PON3: variants seen among roughly 807,000 people sequenced by gnomAD.
PON3 encodes serum paraoxonase/lactonase 3.
In PON3, 37 loss-of-function variants were observed where a neutral mutation model predicts 36.3. The observed-to-expected ratio is 1.02, with a 90% CI of 0.78 to 1.34. The LOEUF (loss-of-function observed/expected upper bound fraction) is 1.34, where lower values mean the gene tolerates loss of function less well. PON3 is among the 40% of genes most tolerant of loss of function. PON3 has a pLI of 0.00. For missense variants in PON3, 415 were observed against 426.5 expected (o/e 0.97, Z 0.24); for synonymous variants, 155 against 154.8 (o/e 1.00, Z -0.01).
At chr7:95,384,064 T>A (rs553142117) in intron 3 of PON3, among the ~76,000 whole-genome samples, 2 of 152,250 alleles carry the variant, frequency 1.3e-5, no homozygotes, top group South Asian at 4.2e-4. Context: ...TCTACAACTA[T>A]CTGATCTTTG....
Position 95,390,135 on chromosome 7 carries a change from C to T in PON3, c.201+19G>A. ...ACAGCTATTGATGTGAGCATGAGAG[C>T]AGCATGGAAAATACTCACACTGGAG... On this transcript the variant is annotated intron_variant, in intron 3 of 8. Coordinates refer to ENST00000265627, the MANE Select transcript of PON3 (RefSeq NM_000940.3). 6.3e-7 allele frequency: 1 copy of T among 1,586,942 alleles called. No individual in the cohort carries two copies. Among genetic ancestry groups the T allele is most frequent in the Non-Finnish European group, 8.7e-7 (1 of 1,155,396 alleles).
At chr7:95,379,379 C>T (rs1448273366) in intron 3 of PON3, among the ~76,000 whole-genome samples, 5 of 152,182 alleles carry the variant, frequency 3.3e-5, no homozygotes, top group Non-Finnish European at 5.9e-5. Context: ...TGCAGCGCAC[C>T]GAGTGTGAGC....
In PON3 at chr7:95,367,453, G is replaced by A. The variant is rs1808723127; in HGVS notation, c.403C>T (p.His135Tyr). The part of the protein sequence containing the change: ...TVYLYVVNHP[H>Y]MKSTVEIFKF... ...AATATCTCCACAGTGGACTTCATGT[G>A]GGGATGATTCACAACATAAAGATAC... The change falls in exon 5 of 9, where the codon CAC (histidine) becomes TAC (tyrosine). Residue 135 changes from histidine (H) to tyrosine (Y), a missense_variant. Coordinates refer to ENST00000265627, the MANE Select transcript of PON3 (RefSeq NM_000940.3). 1 of 1,612,962 alleles carries A rather than the reference G, an allele frequency of 6.2e-7. No individual in the cohort carries two copies. Among genetic ancestry groups the A allele is most frequent in the South Asian group, 1.1e-5 (1 of 91,056 alleles).
Position 95,362,452 on chromosome 7 carries a change from G to C in PON3, c.816C>G (p.Val272=), listed in dbSNP as rs145245780. The stretch of plus-strand genomic sequence containing the variant: ...CCAAAATGTCTCCTGTGGCAGGATC[G>C]ACAGTCAGGTTATCCACTAAGGTGC... ...QLGTLVDNLT[V]DPATGDILAG... Residue 272 remains valine, a synonymous_variant, in exon 8 of 9, where the codon GTC becomes GTG. Transcript: ENST00000265627. 1 of 1,613,638 alleles carries C rather than the reference G, an allele frequency of 6.2e-7. No homozygotes were observed. The highest frequency in any genetic ancestry group is 1.1e-5 in the South Asian group (1 of 91,062).
intron 3 of PON3, 131 bp downstream of exon 3, chr7:95,390,023 T>C: frequency 9.8e-7 from 1 of 1,017,126 alleles, no homozygotes; most frequent in Non-Finnish European, 1.6e-6. Context: ...TTTTGGCTTT[T>C]TTAGTTGACT....
chr7:95,370,328 G>T (rs1440862788), intron 4 of PON3, among the ~76,000 whole-genome samples: 1 of 152,172 alleles, frequency 6.6e-6, no homozygotes, highest in African/African-American at 2.4e-5. Context: ...TAGCAGTGAG[G>T]ATGGGGAGAG....
intron 4 of PON3, 99 bp downstream of exon 4, chr7:95,372,074 G>C: frequency 7.4e-7 from 1 of 1,349,726 alleles, no homozygotes; most frequent in Non-Finnish European, 1.1e-6. Flanking sequence ...TGGTAAAATA[G>C]CATCTTCTCT....
In PON3 at chr7:95,359,943, C is replaced by CTTTTTTT; in HGVS notation, c.*23_*29dup. 6.8e-7 allele frequency: 1 copy of CTTTTTTT among 1,464,988 alleles called. No individual in the cohort carries two copies. Among genetic ancestry groups the CTTTTTTT allele is most frequent in the Non-Finnish European group, 9.3e-7 (1 of 1,080,220 alleles). The allele number at this position is 1,464,988 out of a possible 1,614,324, so 90.7% of individuals were successfully genotyped here. On this transcript the variant is annotated 3_prime_UTR_variant, in exon 9 of 9. Transcript: ENST00000265627. ...AGTTTACTTTTACAAAATATGTAGA[C>CTTTTTTT]TTTTTTTTTTTTTTTTTACTATCTA...
intron 4 of PON3, among the ~76,000 whole-genome samples, chr7:95,371,188 T>C (rs1004680605): frequency 1.3e-5 from 2 of 152,176 alleles, no homozygotes; most frequent in Non-Finnish European, 1.5e-5. Context: ...ATTTTGTTTA[T>C]GAATGCATCA....
chr7:95,369,986 C>T (rs1808775640), intron 4 of PON3, among the ~76,000 whole-genome samples: 1 of 152,080 alleles, frequency 6.6e-6, no homozygotes, highest in Non-Finnish European at 1.5e-5. Context: ...TGTAAAGATC[C>T]TGAGGCATGA....
chr7:95,363,817 G>A lies in PON3; in HGVS notation c.695+46C>T, dbSNP rs775423605. The A allele has an allele frequency of 8.9e-6, 14 of 1,568,160 alleles. No homozygotes were observed. In the Admixed American group the frequency reaches 1.3e-4, roughly 15 times the overall value. Reference sequence around the variant, plus strand: ...CTTCCTCGTAAGGAAAGGAGTCCACGAAAATGTCAAGGGCAAAGGATAGAA... The same window carrying A: ...CTTCCTCGTAAGGAAAGGAGTCCACAAAAATGTCAAGGGCAAAGGATAGAA... On this transcript the variant is annotated intron_variant, in intron 6 of 8. Coordinates refer to ENST00000265627, the MANE Select transcript of PON3 (RefSeq NM_000940.3).
chr7:95,393,313 T>A (rs1359553465), intron 2 of PON3, among the ~76,000 whole-genome samples: 1 of 152,176 alleles, frequency 6.6e-6, no homozygotes, highest in Non-Finnish European at 1.5e-5. Flanking sequence ...ACAAGGCATG[T>A]GGCAGGTGTC....
At chr7:95,372,463 C>G (rs1340478327) in intron 3 of PON3, 125 bp from the exon 4 acceptor site, 35 of 1,038,484 alleles carry the variant, frequency 3.4e-5, no homozygotes, top group Non-Finnish European at 4.9e-5. Context: ...GATTACTGGG[C>G]TTTTTCACTC....
intron 8 of PON3, 141 bp downstream of exon 8, chr7:95,362,221 T>A (rs1297203939): frequency 1.9e-6 from 2 of 1,069,810 alleles, no homozygotes; most frequent in Non-Finnish European, 2.8e-6. Flanking sequence ...TCCCTACCTG[T>A]CAAAAACTTT....
intron 8 of PON3, among the ~76,000 whole-genome samples, chr7:95,360,420 C>T (rs1808541991): frequency 6.6e-6 from 1 of 152,080 alleles, no homozygotes; most frequent in African/African-American, 2.4e-5. Flanking sequence ...ATTTAGTTCT[C>T]AAGTGGATGG....
chr7:95,360,840 CAG>C (rs2116371903), intron 8 of PON3, among the ~76,000 whole-genome samples: 1 of 152,106 alleles, frequency 6.6e-6, no homozygotes, highest in Admixed American at 6.5e-5. Context: ...CTTATTAGAA[CAG>C]AGTTTGTTCT....
At chr7:95,374,274 C>T (rs1808869565) in intron 3 of PON3, among the ~76,000 whole-genome samples, 1 of 152,064 alleles carries the variant, frequency 6.6e-6, no homozygotes, top group Non-Finnish European at 1.5e-5. Flanking sequence ...TAATTCTTTC[C>T]TTTCTGTCCC....
At chr7:95,364,467 T>A (rs1463700128) in intron 5 of PON3, 2 of 273,924 alleles carry the variant, frequency 7.3e-6, no homozygotes, top group African/African-American at 4.5e-5. Context: ...TGTGACTTGC[T>A]TTGGCCAATG....
intron 3 of PON3, among the ~76,000 whole-genome samples, chr7:95,381,212 T>C (rs979525942): frequency 1.3e-5 from 2 of 152,008 alleles, no homozygotes; most frequent in African/African-American, 4.8e-5. Context: ...GCACTAAACA[T>C]GGAAAGGAAC....
Sources: gnomAD v4.1 joint callset for allele counts (sites outside exome capture counted in the v4.1 genomes callset) on GRCh38, gnomAD v4.1.1 for gene constraint, MANE v1.5 for transcripts, NCBI Gene and HGNC (gene_info 2026-07-23, HGNC 2026-07-21) for gene names.